METTL23: variants seen among roughly 807,000 people sequenced by gnomAD.
The protein encoded by METTL23 is methyltransferase 23, arginine.
Under a neutral mutation model 21.2 loss-of-function variants are expected in METTL23, and 24 were observed. The observed-to-expected ratio is 1.13, with a 90% CI of 0.82 to 1.59. The LOEUF is 1.59. Ranked by LOEUF, METTL23 falls within the 40% of genes most tolerant of loss-of-function variation. The pLI is 0.00. For synonymous variants in METTL23, 97 were observed against 75.2 expected (o/e 1.29, Z -1.50); for missense variants, 276 against 221.4 (o/e 1.25, Z -1.57).
intron 2 of METTL23, among the ~76,000 whole-genome samples, chr17:76,730,541 C>T (rs2077158460): frequency 2.6e-5 from 4 of 152,246 alleles, no homozygotes; most frequent in African/African-American, 9.6e-5. Flanking sequence ...GATGAAGCCC[C>T]TGAACTGCCT....
intron 2 of METTL23, among the ~76,000 whole-genome samples, chr17:76,731,436 G>A (rs975740217): frequency 4.6e-5 from 7 of 152,130 alleles, no homozygotes; most frequent in African/African-American, 1.7e-4. Context: ...AACTCTCCAG[G>A]GCATTTTATA....
intron 1 of METTL23, among the ~76,000 whole-genome samples, chr17:76,727,657 A>G (rs2077002269): frequency 6.6e-6 from 1 of 152,270 alleles, no homozygotes; most frequent in African/African-American, 2.4e-5. Flanking sequence ...TTTGGTGCCC[A>G]AAGTGTTTCT....
intron 2 of METTL23, among the ~76,000 whole-genome samples, chr17:76,731,439 A>AT (rs1028626306): frequency 2.0e-5 from 3 of 152,190 alleles, no homozygotes; most frequent in Non-Finnish European, 2.9e-5. Context: ...TCTCCAGGGC[A>AT]TTTTATAAGG....
chr17:76,733,544 T>G lies in METTL23; in HGVS notation c.431T>G (p.Leu144Ter). 1 of 1,612,698 alleles carries G rather than the reference T, an allele frequency of 6.2e-7. No homozygotes were observed. The highest frequency in any genetic ancestry group is 8.5e-7 in the Non-Finnish European group (1 of 1,179,394). Reference protein sequence around the residue: ...VRSADWSLEALLYKWDMKCVH... With the variant: ...VRSADWSLEA ...AGTGCTGACTGGTCACTTGAAGCTT[T>G]ACTCTACAAATGGGATATGAAATGT... Residue 144 changes from leucine to a stop codon, truncating the protein, a stop_gained, in exon 5 of 5, where the codon TTA becomes TGA. Transcript: ENST00000341249. LOFTEE classifies it high-confidence loss of function.
At chr17:76,727,814 T>G (rs948743431) in intron 1 of METTL23, among the ~76,000 whole-genome samples, 1 of 152,192 alleles carries the variant, frequency 6.6e-6, no homozygotes, top group Non-Finnish European at 1.5e-5. Flanking sequence ...CACTGCAACC[T>G]CCAACTCCCG....
intron 2 of METTL23, 144 bp downstream of exon 2, chr17:76,729,938 ATGT>A (rs575212450): frequency 9.3e-6 from 6 of 644,858 alleles, no homozygotes; most frequent in African/African-American, 1.8e-5. Context: ...TGAGCTAAGA[ATGT>A]TGTTTTGTTT....
At position 76,733,042 on chromosome 17, in the gene METTL23, CAG is replaced by C; in HGVS notation, c.151_152del (p.Asp51GlnfsTer19). On this transcript the variant is annotated frameshift_variant, in exon 3 of 5. Coordinates refer to ENST00000341249, the MANE Select transcript of METTL23 (RefSeq NM_001080510.5). LOFTEE classifies it high-confidence loss of function. The stretch of plus-strand genomic sequence containing the variant: ...AAATGTGGTGCAGAAGTAATACTGT[CAG>C]ACAGCTCAGAACTGCCTCACTGTCT... 6.2e-7 allele frequency: 1 copy of C among 1,601,756 alleles called. No homozygotes were observed. The highest frequency in any genetic ancestry group is 8.5e-7 in the Non-Finnish European group (1 of 1,173,520).
At position 76,733,856 on chromosome 17, in the gene METTL23, AAAATT is replaced by A. The variant is rs1421822649; in HGVS notation, c.*174_*178del. 2 of 495,648 alleles carry A rather than the reference AAAATT, an allele frequency of 4.0e-6. No individual in the cohort carries two copies. Among genetic ancestry groups the A allele is most frequent in the Non-Finnish European group, 3.5e-6 (1 of 287,002 alleles). The allele number at this position is 495,648 out of a possible 1,614,324, so 30.7% of individuals were successfully genotyped here. A position where few individuals can be genotyped will look rare whatever the true frequency, so the allele number is the denominator to read the frequency against. On this transcript the variant is annotated 3_prime_UTR_variant, in exon 5 of 5. Coordinates refer to ENST00000341249, the MANE Select transcript of METTL23 (RefSeq NM_001080510.5). ...ACAACACTTAAACTCATATGAAACA[AAAATT>A]AAAATACGTATTACAAGTACTTGGA...
chr17:76,733,796 C>A lies in METTL23; in HGVS notation c.*110C>A. ...AGAATGCAGTGGGTCTGAAGATGGT[C>A]AAGTCTGTTTGCCTTAGATTTTGAT... On this transcript the variant is annotated 3_prime_UTR_variant, in exon 5 of 5. Coordinates refer to ENST00000341249, the MANE Select transcript of METTL23 (RefSeq NM_001080510.5). The A allele has an allele frequency of 1.0e-6, 1 of 955,860 alleles. No individual in the cohort carries two copies. The highest frequency in any genetic ancestry group is 1.5e-6 in the Non-Finnish European group (1 of 661,346). The allele number at this position is 955,860 out of a possible 1,614,324, so 59.2% of individuals were successfully genotyped here.
intron 2 of METTL23, 171 bp from the exon 3 acceptor site, chr17:76,732,807 C>T (rs1003270079): frequency 1.6e-6 from 1 of 626,436 alleles, no homozygotes. Flanking sequence ...AAGGAATGTA[C>T]TTTTGTCATG....
chr17:76,728,296 C>T (rs1332998256), intron 1 of METTL23, among the ~76,000 whole-genome samples: 1 of 143,744 alleles, frequency 7.0e-6, no homozygotes, highest in African/African-American at 2.9e-5. Flanking sequence ...CAAACAGCTT[C>T]ACTTTTTTTT....
chr17:76,726,571 G>T (rs909158327), upstream of METTL23: 1 of 1,448,060 alleles, frequency 6.9e-7, no homozygotes, highest in Non-Finnish European at 9.1e-7. Flanking sequence ...GGCGACGGCA[G>T]TACCCAAACG....
chr17:76,733,405 T>C lies in METTL23; in HGVS notation c.407+28T>C, dbSNP rs1450743177. The stretch of plus-strand genomic sequence containing the variant: ...AAGTATGGATGACCCTTACTTTTTA[T>C]ATGTAACTTAAGCCTTACTCTACCC... On this transcript the variant is annotated intron_variant, in intron 4 of 4. Transcript: ENST00000341249. The C allele has an allele frequency of 4.3e-6, 7 of 1,609,578 alleles. No homozygotes were observed. In the African/African-American group the frequency reaches 5.3e-5, roughly 12 times the overall value.
intron 4 of METTL23, 69 bp from the exon 5 acceptor site, chr17:76,733,452 A>G: frequency 1.3e-6 from 2 of 1,598,180 alleles, no homozygotes; most frequent in South Asian, 2.3e-5. Context: ...TACATAATTT[A>G]AGAATAGAAT....
At chr17:76,732,857 C>T in intron 2 of METTL23, 121 bp from the exon 3 acceptor site, 2 of 796,794 alleles carry the variant, frequency 2.5e-6, no homozygotes, top group African/African-American at 1.7e-5. Context: ...TTATACAAAC[C>T]CAGAAAGACT....
At chr17:76,728,833 G>A (rs1423893225) in intron 1 of METTL23, among the ~76,000 whole-genome samples, 2 of 123,680 alleles carry the variant, frequency 1.6e-5, no homozygotes, top group South Asian at 2.5e-4. Flanking sequence ...TTGCTCTGTC[G>A]CCCAGGCTGG....
rs778476609 is a variant in METTL23, at chr17:76,733,147, C to T, written c.254C>T (p.Ser85Phe). Residue 85 changes from serine to phenylalanine, a missense_variant, in exon 3 of 5, where the codon TCT becomes TTT. Transcript: ENST00000341249. ...GTAGGACTAACATGGGGTCATATAT[C>T]TTGGGATCTTCTGGCTCTACCACCA... Reference protein sequence around the residue: ...QVVGLTWGHISWDLLALPPQD... With the variant: ...QVVGLTWGHIFWDLLALPPQD... 10 of 1,613,912 alleles carry T rather than the reference C, an allele frequency of 6.2e-6. No homozygotes were observed. The highest frequency in any genetic ancestry group is 8.5e-6 in the Non-Finnish European group (10 of 1,179,862).
Position 76,729,747 on chromosome 17 carries a change from T to C in METTL23, c.37T>C (p.Tyr13His). 1 of 1,600,326 alleles carries C rather than the reference T, an allele frequency of 6.2e-7. No individual in the cohort carries two copies. The highest frequency in any genetic ancestry group is 2.2e-5 in the East Asian group (1 of 44,634). Residue 13 changes from tyrosine (Y) to histidine (H), a missense_variant, in exon 2 of 5, where the codon TAC becomes CAC. Coordinates refer to ENST00000341249, the MANE Select transcript of METTL23 (RefSeq NM_001080510.5). ...GCCCTGTGCTGTGGTCCTGGCCCAGTACCTTTGGTTTCACAGAAGATCTCT... is the reference window on the plus strand; with the variant it reads ...GCCCTGTGCTGTGGTCCTGGCCCAGCACCTTTGGTTTCACAGAAGATCTCT... ...VWPCAVVLAQ[Y>H]LWFHRRSLPG...
At position 76,726,891 on chromosome 17, in the gene METTL23, T is replaced by C; in HGVS notation, c.-309T>C. The C allele has an allele frequency of 2.2e-6, 1 of 451,090 alleles. No homozygotes were observed. The highest frequency in any genetic ancestry group is 1.6e-5 in the South Asian group (1 of 64,422). 27.9% of individuals were successfully genotyped at this position (451,090 alleles called of 1,614,324 possible). On this transcript the variant is annotated 5_prime_UTR_variant, in exon 1 of 5. Transcript: ENST00000341249. The stretch of plus-strand genomic sequence containing the variant: ...CCAGTTCTGCGCGTGTGAGTCTCTT[T>C]CGCCTTGCTCCGGGCTTTCTTCGCT...
Sources: gnomAD v4.1 joint callset for allele counts (sites outside exome capture counted in the v4.1 genomes callset) on GRCh38, gnomAD v4.1.1 for gene constraint, MANE v1.5 for transcripts, NCBI Gene and HGNC (gene_info 2026-07-23, HGNC 2026-07-21) for gene names.